Variants in KHDC1 observed in about 807,000 individuals in gnomAD.
KHDC1 encodes the protein KH homology domain-containing protein 1.
KHDC1 carries 21 observed loss-of-function variants against 24.7 expected under a neutral mutation model. The ratio of observed to expected loss-of-function variants is 0.85; its 90% CI spans 0.60 to 1.23. The LOEUF is 1.23. Ranked by LOEUF, KHDC1 falls within the 50% of genes most tolerant of loss-of-function variation. The pLI, the probability that KHDC1 is intolerant of heterozygous loss-of-function variation, is 0.00. For synonymous variants in KHDC1, 98 were observed against 111.7 expected, an observed-to-expected ratio of 0.88 and a Z score of 0.77; for missense variants, 274 against 298.5, an observed-to-expected ratio of 0.92 and a Z score of 0.61.
intron 2 of KHDC1, among the ~76,000 whole-genome samples, chr6:73,267,347 G>T (rs7382737): frequency 0.046 from 7,059 of 152,210 alleles, 409 homozygotes; most frequent in African/African-American, 0.13. Context: ...GCTGGTTGTG[G>T]TGGCAGGCGC....
intron 2 of KHDC1, among the ~76,000 whole-genome samples, chr6:73,278,005 G>T (rs1269949573): frequency 7.4e-6 from 1 of 135,754 alleles, no homozygotes; most frequent in African/African-American, 2.9e-5. Context: ...TCTCTCTCTC[G>T]GGTGTTTTTT....
chr6:73,302,308 A>C (rs1767891842), intron 1 of KHDC1, among the ~76,000 whole-genome samples: 1 of 152,148 alleles, frequency 6.6e-6, no homozygotes, highest in Admixed American at 6.5e-5. Context: ...GATAAAAGAA[A>C]AGAAAAGAAA....
At chr6:73,302,522 T>C (rs1767895636) in intron 1 of KHDC1, among the ~76,000 whole-genome samples, 1 of 152,190 alleles carries the variant, frequency 6.6e-6, no homozygotes, top group Non-Finnish European at 1.5e-5. Flanking sequence ...ATTATACAAC[T>C]GAATCCTGTA....
chr6:73,262,633 ATC>A (rs34385914), intron 2 of KHDC1, 139 bp downstream of exon 1: 108,380 of 584,988 alleles, frequency 0.19, 12,075 homozygotes, highest in African/African-American at 0.45. Context: ...AAGTCACACG[ATC>A]TGTTTTAATT....
chr6:73,308,665 T>C (rs1456125817), intron 1 of KHDC1, among the ~76,000 whole-genome samples: 1 of 151,842 alleles, frequency 6.6e-6, no homozygotes, highest in East Asian at 1.9e-4. Flanking sequence ...GCCCAGCTAA[T>C]TTTTCATATT....
Position 73,305,311 on chromosome 6 carries a change from C to T in KHDC1, c.163+4241G>A, listed in dbSNP as rs538862757. On this transcript the variant is annotated intron_variant, in intron 1 of 4. Transcript: ENST00000370384. ...GAAACAAATTTGAAGTCATGGAATT[C>T]GCCTTTCTTAAACTGGTTTCAATGA... Among the ~76,000 whole-genome samples, 90 of 144,180 alleles carry T rather than the reference C, an allele frequency of 6.2e-4. No individual in the cohort carries two copies. In the Middle Eastern group the frequency reaches 0.014, roughly 22 times the overall value. The allele number at this position is 144,180 out of a possible 152,430, so 94.6% of individuals were successfully genotyped here.
At chr6:73,294,360 G>A (rs879459869) in intron 1 of KHDC1, among the ~76,000 whole-genome samples, 8 of 151,914 alleles carry the variant, frequency 5.3e-5, no homozygotes, top group Non-Finnish European at 8.8e-5. Context: ...CTTATTAGAT[G>A]AAGACTTAAA....
chr6:73,278,114 C>T lies in KHDC1; in HGVS notation c.206+13884G>A, dbSNP rs573267360. ...GCGACCTCCGCCTCCCGGGTTCAAGCGATTCTCCTGCCTTAGCCTCCTGAG... is the reference window on the plus strand; with the variant it reads ...GCGACCTCCGCCTCCCGGGTTCAAGTGATTCTCCTGCCTTAGCCTCCTGAG... On this transcript the variant is annotated intron_variant, in intron 2 of 4. Transcript: ENST00000370384. Among the ~76,000 whole-genome samples the T allele has an allele frequency of 4.1e-5, 6 of 147,646 alleles. No individual in the cohort carries two copies. In the South Asian group the frequency reaches 1.1e-3, roughly 26 times the overall value.
At chr6:73,274,822 G>A (rs1334902858) in intron 2 of KHDC1, 1 of 152,334 alleles carries the variant, frequency 6.6e-6, no homozygotes, top group African/African-American at 2.4e-5. Flanking sequence ...AGCAAAGAAG[G>A]CCTGTACTCC....
At chr6:73,291,243 T>C (rs1194365525) in intron 2 of KHDC1, 4 of 403,432 alleles carry the variant, frequency 9.9e-6, no homozygotes, top group African/African-American at 8.2e-5. Context: ...ACTGAATGGG[T>C]AAGAATAACC....
intron 2 of KHDC1, chr6:73,290,686 G>C: frequency 2.2e-6 from 1 of 457,652 alleles, no homozygotes; most frequent in South Asian, 1.7e-5. Flanking sequence ...TGCTGCTGCT[G>C]CTGGAGCCAC....
intron 2 of KHDC1, among the ~76,000 whole-genome samples, chr6:73,249,782 C>T (rs1323965195): frequency 6.6e-6 from 1 of 151,950 alleles, no homozygotes; most frequent in Non-Finnish European, 1.5e-5. Flanking sequence ...CAGGGTCTTG[C>T]CCTATTACCC....
At chr6:73,267,694 A>C (rs1052084983) in intron 2 of KHDC1, among the ~76,000 whole-genome samples, 31 of 152,210 alleles carry the variant, frequency 2.0e-4, no homozygotes, top group African/African-American at 7.5e-4. Flanking sequence ...GAAAGCAGAG[A>C]CTGAAATAAG....
At chr6:73,294,005 CA>C (rs111522900) in intron 1 of KHDC1, among the ~76,000 whole-genome samples, 79 of 64,900 alleles carry the variant, frequency 1.2e-3, no homozygotes, top group Non-Finnish European at 1.8e-3. Context: ...GACTCCACCT[CA>C]AAAAAAAAAA....
chr6:73,247,841 G>A (rs1766695619), intron 2 of KHDC1, among the ~76,000 whole-genome samples: 1 of 132,246 alleles, frequency 7.6e-6, no homozygotes, highest in South Asian at 2.3e-4. Flanking sequence ...GGGAAATAGA[G>A]CAAGACTCTG....
intron 2 of KHDC1, among the ~76,000 whole-genome samples, chr6:73,246,486 T>C (rs1250171245): frequency 6.6e-6 from 1 of 152,188 alleles, no homozygotes; most frequent in Non-Finnish European, 1.5e-5. Context: ...GAACACTCCC[T>C]TCTCAAGTAA....
At chr6:73,271,109 G>A (rs993885267) in intron 2 of KHDC1, among the ~76,000 whole-genome samples, 1 of 152,106 alleles carries the variant, frequency 6.6e-6, no homozygotes, top group African/African-American at 2.4e-5. Flanking sequence ...AGCTTAGTCG[G>A]TCACAATCAA....
At chr6:73,294,760 G>T (rs1767729105) in intron 1 of KHDC1, among the ~76,000 whole-genome samples, 1 of 152,120 alleles carries the variant, frequency 6.6e-6, no homozygotes, top group African/African-American at 2.4e-5. Flanking sequence ...TGGAGGTGGG[G>T]CCTCACGGGA....
chr6:73,306,322 C>T (rs1767961144), intron 1 of KHDC1, among the ~76,000 whole-genome samples: 1 of 152,108 alleles, frequency 6.6e-6, no homozygotes, highest in South Asian at 2.1e-4. Context: ...TGCCCTCCCT[C>T]ACCCGACACC....
Sources: gnomAD v4.1 joint callset for allele counts (sites outside exome capture counted in the v4.1 genomes callset) on GRCh38, gnomAD v4.1.1 for gene constraint, MANE v1.5 for transcripts, NCBI Gene and HGNC (gene_info 2026-07-23, HGNC 2026-07-21) for gene names.